Variants in CCDC171 observed in about 807,000 individuals in gnomAD.
CCDC171 encodes the protein coiled-coil domain-containing protein 171.
A neutral mutation model predicts 168.2 loss-of-function variants in CCDC171; 177 were observed. The ratio of observed to expected loss-of-function variants is 1.05; its 90% CI spans 0.93 to 1.19. The LOEUF (loss-of-function observed/expected upper bound fraction) is 1.19. Among genes scored for constraint, CCDC171 ranks in the 50% most tolerant of loss-of-function variants. The probability of loss-of-function intolerance (pLI) is 0.00; values close to 1 mark genes in which losing one functional copy is unlikely to be tolerated. For missense variants in CCDC171, 1,991 were observed against 1,539.0 expected, an observed-to-expected ratio of 1.29 and a Z score of -4.91; for synonymous variants, 687 against 540.8, an observed-to-expected ratio of 1.27 and a Z score of -3.75.
intron 7 of CCDC171, among the ~76,000 whole-genome samples, chr9:15,628,808 G>C (rs566317375): frequency 6.6e-6 from 1 of 152,260 alleles, no homozygotes; most frequent in Non-Finnish European, 1.5e-5. Context: ...CACCTCACAC[G>C]GCCGGGTACT....
In CCDC171 at chr9:15,817,039, T is replaced by C. The variant is rs1395371391; in HGVS notation, c.3268-29663T>C. ...GTGTGTGTGTATTTCCTTAAGGCTG[T>C]GGATGTTTTTCTCAGTTCTGGTGTT... On this transcript the variant is annotated intron_variant, in intron 21 of 25. Transcript: ENST00000380701. Among the ~76,000 whole-genome samples the C allele has an allele frequency of 3.4e-5, 4 of 118,386 alleles. No individual in the cohort carries two copies. The East Asian group carries it at 8.6e-4, about 25-fold the overall frequency. The allele number at this position is 118,386 out of a possible 152,430, so 77.7% of individuals were successfully genotyped here.
intron 9 of CCDC171, among the ~76,000 whole-genome samples, chr9:15,671,978 C>T (rs1258472330): frequency 6.6e-6 from 1 of 152,180 alleles, no homozygotes; most frequent in African/African-American, 2.4e-5. Context: ...AGTGTCAAAG[C>T]ATTCCTATTT....
chr9:15,983,757 A>G (rs901642809), intron 3 of CCDC171, among the ~76,000 whole-genome samples: 1 of 147,004 alleles, frequency 6.8e-6, no homozygotes, highest in Admixed American at 6.9e-5. Flanking sequence ...TAAATCTATA[A>G]TAATGCATTT....
intron 7 of CCDC171, 53 bp from the exon 8 acceptor site, chr9:15,657,074 T>C (rs1439425052): frequency 9.8e-7 from 1 of 1,019,064 alleles, no homozygotes; most frequent in Non-Finnish European, 1.5e-6. Flanking sequence ...TAGTGATCCA[T>C]ATCTTCTTTA....
At chr9:15,980,389 C>T (rs772871625) in intron 3 of CCDC171, among the ~76,000 whole-genome samples, 4 of 152,116 alleles carry the variant, frequency 2.6e-5, no homozygotes, top group Non-Finnish European at 5.9e-5. Flanking sequence ...CCCCTAGCCC[C>T]AGTGATCTCT....
Position 15,874,678 on chromosome 9 carries a change from A to G in CCDC171, c.3600+15A>G. 6.4e-7 allele frequency: 1 copy of G among 1,553,124 alleles called. No individual in the cohort carries two copies. The highest frequency in any genetic ancestry group is 8.7e-7 in the Non-Finnish European group (1 of 1,150,348). On this transcript the variant is annotated intron_variant, in intron 24 of 25. Coordinates refer to ENST00000380701, the MANE Select transcript of CCDC171 (RefSeq NM_173550.4). ...TAGCATGCCAGGTTAGAGTCTAAAT[A>G]ACATTGTTTGCTACTGAGACATATA...
chr9:15,977,869 A>G (rs769166696), downstream of CCDC171, among the ~76,000 whole-genome samples: 1 of 152,218 alleles, frequency 6.6e-6, no homozygotes, highest in Non-Finnish European at 1.5e-5. Context: ...TCTATATAAG[A>G]GGAAAATCTT....
intron 2 of CCDC171, among the ~76,000 whole-genome samples, chr9:15,565,216 G>A (rs1423974181): frequency 6.6e-6 from 1 of 151,688 alleles, no homozygotes; most frequent in Non-Finnish European, 1.5e-5. Flanking sequence ...AGCCTCCTAA[G>A]TAGCTGGGAT....
intron 18 of CCDC171, among the ~76,000 whole-genome samples, chr9:15,756,951 G>A (rs2056158168): frequency 6.6e-6 from 1 of 152,192 alleles, no homozygotes; most frequent in Non-Finnish European, 1.5e-5. Context: ...CCTCAGCCAT[G>A]TGGAACTATA....
chr9:16,013,864 A>G (rs932936822), intron 3 of CCDC171, among the ~76,000 whole-genome samples: 3 of 152,242 alleles, frequency 2.0e-5, no homozygotes, highest in Non-Finnish European at 2.9e-5. Flanking sequence ...TGTAAAACAA[A>G]TACTAACAAT....
At chr9:15,877,474 G>C (rs1818005170) in intron 24 of CCDC171, among the ~76,000 whole-genome samples, 2 of 151,596 alleles carry the variant, frequency 1.3e-5, no homozygotes, top group African/African-American at 4.8e-5. Flanking sequence ...ACCCTTCCCT[G>C]TTTCTTCAAA....
At chr9:15,850,377 A>G (rs1443394667) in intron 23 of CCDC171, 2 of 151,914 alleles carry the variant, frequency 1.3e-5, no homozygotes, top group Admixed American at 6.6e-5. Context: ...TATAATAAAG[A>G]CTGACTGCAA....
chr9:15,987,667 T>C (rs962682319), intron 3 of CCDC171, among the ~76,000 whole-genome samples: 2 of 148,410 alleles, frequency 1.3e-5, no homozygotes, highest in African/African-American at 2.5e-5. Context: ...GTTACATATA[T>C]TGACATGAAA....
At chr9:15,772,051 C>T (rs1457845251) in intron 18 of CCDC171, among the ~76,000 whole-genome samples, 1 of 152,180 alleles carries the variant, frequency 6.6e-6, no homozygotes, top group African/African-American at 2.4e-5. Context: ...CCAGGCTGGT[C>T]TCCAACTCCT....
chr9:15,932,519 T>C (rs1826647457), intron 25 of CCDC171, among the ~76,000 whole-genome samples: 1 of 151,964 alleles, frequency 6.6e-6, no homozygotes, highest in Non-Finnish European at 1.5e-5. Context: ...GTGCAGTTTT[T>C]GGGGTTTTCT....
intron 24 of CCDC171, chr9:15,889,141 T>A (rs887552547): frequency 1.1e-4 from 17 of 151,622 alleles, no homozygotes; most frequent in African/African-American, 4.1e-4. Flanking sequence ...GTATTTTTTT[T>A]ATGGAGACAG....
At chr9:15,936,530 C>T (rs10962225) in intron 25 of CCDC171, among the ~76,000 whole-genome samples, 48,115 of 151,660 alleles carry the variant, frequency 0.32, 9,443 homozygotes, top group East Asian at 0.61. Flanking sequence ...CAGCAGAGAG[C>T]GAGAGGAGGG....
chr9:15,584,026 C>T (rs2131329673), intron 4 of CCDC171, among the ~76,000 whole-genome samples: 1 of 152,202 alleles, frequency 6.6e-6, no homozygotes, highest in South Asian at 2.1e-4. Context: ...ACCACCACGC[C>T]CGGCTAATTT....
intron 6 of CCDC171, among the ~76,000 whole-genome samples, chr9:15,602,972 T>A (rs921071811): frequency 2.6e-4 from 39 of 152,080 alleles, no homozygotes; most frequent in Non-Finnish European, 3.5e-4. Context: ...TTAATTTTTT[T>A]AATTTTTATT....
Sources: gnomAD v4.1 joint callset for allele counts (sites outside exome capture counted in the v4.1 genomes callset) on GRCh38, gnomAD v4.1.1 for gene constraint, MANE v1.5 for transcripts, NCBI Gene and HGNC (gene_info 2026-07-23, HGNC 2026-07-21) for gene names.